Variants in FBN2 observed in about 807,000 individuals in gnomAD.
The protein encoded by FBN2 is fibrillin-2.
FBN2 carries 105 observed loss-of-function variants against 355.6 expected under a neutral mutation model. That is an observed-to-expected ratio of 0.30 (90% CI 0.25 to 0.35). FBN2 has a LOEUF of 0.35. FBN2 is among the 10% of genes least tolerant of loss of function. FBN2 has a pLI of 1.00. For missense variants in FBN2, 3,280 were observed against 3,758.7 expected (o/e 0.87, Z 3.33); for synonymous variants, 1,350 against 1,301.2 (o/e 1.04, Z -0.81).
At chr5:128,327,313 ATT>A (rs1750577796) in intron 34 of FBN2, among the ~76,000 whole-genome samples, 6 of 152,140 alleles carry the variant, frequency 3.9e-5, no homozygotes, top group African/African-American at 1.2e-4. Context: ...TTTCTGGAGA[ATT>A]TCATGAACTT....
chr5:128,375,594 C>T (rs331095), intron 14 of FBN2, among the ~76,000 whole-genome samples: 93,513 of 151,978 alleles, frequency 0.62, 29,361 homozygotes, highest in East Asian at 0.97. Context: ...AATTTTTTAA[C>T]CTCTACTGTC....
intron 5 of FBN2, among the ~76,000 whole-genome samples, chr5:128,494,700 C>T (rs538897596): frequency 6.6e-6 from 1 of 152,284 alleles, no homozygotes; most frequent in East Asian, 1.9e-4. Context: ...ATGTTCAAGA[C>T]TGTGCCTCTG....
At chr5:128,310,746 T>C (rs1396068188) in intron 39 of FBN2, among the ~76,000 whole-genome samples, 2 of 152,306 alleles carry the variant, frequency 1.3e-5, no homozygotes, top group South Asian at 2.1e-4. Flanking sequence ...GAGATTCTAC[T>C]GTAAGCTAGA....
intron 48 of FBN2, among the ~76,000 whole-genome samples, chr5:128,292,038 C>G (rs1749338259): frequency 6.6e-6 from 1 of 152,062 alleles, no homozygotes; most frequent in African/African-American, 2.4e-5. Flanking sequence ...CCCCATGTCA[C>G]CCCTATTTCT....
intron 31 of FBN2, among the ~76,000 whole-genome samples, chr5:128,333,879 C>A (rs1460140928): frequency 8.6e-6 from 1 of 116,244 alleles, no homozygotes; most frequent in Non-Finnish European, 2.1e-5. Context: ...ACACACACTA[C>A]TGGCTTCACA....
intron 5 of FBN2, among the ~76,000 whole-genome samples, chr5:128,478,263 G>C (rs974278333): frequency 2.0e-5 from 3 of 152,138 alleles, no homozygotes; most frequent in Middle Eastern, 3.2e-3. Context: ...CACTACCTAT[G>C]GAAGGTAAAC....
At chr5:128,446,380 G>C in intron 7 of FBN2, 101 bp downstream of exon 7, 2 of 1,233,734 alleles carry the variant, frequency 1.6e-6, no homozygotes, top group Non-Finnish European at 2.4e-6. Context: ...TAGATAAAGA[G>C]TTTTAATTGT....
chr5:128,387,525 T>C (rs1170926854), intron 11 of FBN2, among the ~76,000 whole-genome samples: 2 of 152,174 alleles, frequency 1.3e-5, no homozygotes, highest in Non-Finnish European at 2.9e-5. Context: ...GGTTTGCTCT[T>C]ATTTTTTTAG....
Position 128,369,338 on chromosome 5 carries a change from A to C in FBN2, c.2096-4T>G. Reference sequence around the variant, plus strand: ...CAGGTACTGCGCATGTGAGTATCTAAAGGAGATACAAAAACAATGACTTGA... The same window carrying C: ...CAGGTACTGCGCATGTGAGTATCTACAGGAGATACAAAAACAATGACTTGA... On this transcript the variant is annotated splice_polypyrimidine_tract_variant and splice_region_variant and intron_variant, in intron 15 of 64. Coordinates refer to ENST00000262464, the MANE Select transcript of FBN2 (RefSeq NM_001999.4). 6.2e-7 allele frequency: 1 copy of C among 1,613,940 alleles called. No homozygotes were observed. The highest frequency in any genetic ancestry group is 8.5e-7 in the Non-Finnish European group (1 of 1,179,880).
intron 17 of FBN2, chr5:128,365,441 T>C (rs1327115663): frequency 6.6e-6 from 1 of 152,184 alleles, no homozygotes; most frequent in African/African-American, 2.4e-5. Context: ...TTGGTCACTA[T>C]GCTCAAATTT....
intron 33 of FBN2, 111 bp from the exon 34 acceptor site, chr5:128,328,932 A>G (rs1750623907): frequency 9.2e-7 from 1 of 1,090,866 alleles, no homozygotes; most frequent in Non-Finnish European, 1.4e-6. Flanking sequence ...GCTCATTAAC[A>G]TGAAACAACA....
intron 58 of FBN2, among the ~76,000 whole-genome samples, chr5:128,277,311 C>G (rs1183663139): frequency 6.6e-6 from 1 of 152,158 alleles, no homozygotes. Flanking sequence ...CAATAAAAAA[C>G]CGAATAAGAA....
In FBN2 at chr5:128,528,690, G is replaced by A. The variant is rs552949932; in HGVS notation, c.437-723C>T. Among the ~76,000 whole-genome samples the A allele has an allele frequency of 2.0e-5, 3 of 152,314 alleles. No homozygotes were observed. In the East Asian group the frequency reaches 5.8e-4, roughly 29 times the overall value. ...TGGAAACCCAGGCAGAGACCAGCCA[G>A]CTAACACAGGGCCTCCTCGGCCACC... On this transcript the variant is annotated intron_variant, in intron 3 of 64. Coordinates refer to ENST00000262464, the MANE Select transcript of FBN2 (RefSeq NM_001999.4).
intron 51 of FBN2, 90 bp downstream of exon 51, chr5:128,289,792 A>C: frequency 1.3e-6 from 1 of 775,392 alleles, no homozygotes; most frequent in East Asian, 2.7e-5. Context: ...TATATGTTAC[A>C]TAGTAAAGTT....
intron 5 of FBN2, among the ~76,000 whole-genome samples, chr5:128,515,482 T>A (rs1217747265): frequency 6.6e-6 from 1 of 152,104 alleles, no homozygotes; most frequent in Non-Finnish European, 1.5e-5. Flanking sequence ...TGTTTCATGA[T>A]GGGGTGAGTG....
Position 128,305,616 on chromosome 5 carries a change from C to A in FBN2, c.5569G>T (p.Gly1857Cys). ...VCEDIDECSN[G>C]DNLCQRNADC... is the part of the protein sequence containing the mutation. The stretch of plus-strand genomic sequence containing the variant: ...GCATTCCGCTGGCAGAGATTATCAC[C>A]ATTGCTGCACTCATCTATATCTGAA... The change falls in exon 44 of 65, where the codon GGT becomes TGT. Residue 1857 changes from glycine to cysteine, a missense_variant. Around this residue, in one of 6 missense-constraint regions of FBN2, gnomAD observed 2,284 missense variants for 2,749.5 expected, o/e 0.83. Transcript: ENST00000262464. 6.2e-7 allele frequency: 1 copy of A among 1,613,960 alleles called. No individual in the cohort carries two copies. The highest frequency in any genetic ancestry group is 1.7e-4 in the Middle Eastern group (1 of 6,060).
chr5:128,508,793 T>C (rs1437390614), intron 5 of FBN2, among the ~76,000 whole-genome samples: 1 of 152,068 alleles, frequency 6.6e-6, no homozygotes, highest in African/African-American at 2.4e-5. Context: ...AATGAATTCT[T>C]CCCTTTTATA....
chr5:128,419,776 T>G (rs1753297855), intron 7 of FBN2, among the ~76,000 whole-genome samples: 1 of 152,138 alleles, frequency 6.6e-6, no homozygotes, highest in Non-Finnish European at 1.5e-5. Context: ...CACCAAAACC[T>G]CCGCTTCCCA....
At chr5:128,453,121 A>G (rs1482970099) in intron 6 of FBN2, among the ~76,000 whole-genome samples, 1 of 152,222 alleles carries the variant, frequency 6.6e-6, no homozygotes, top group African/African-American at 2.4e-5. Context: ...CTACTCATGT[A>G]TGATACACAA....
Sources: gnomAD v4.1 joint callset for allele counts (sites outside exome capture counted in the v4.1 genomes callset) on GRCh38, gnomAD v4.1.1 for gene constraint, gnomAD v4.1.1 regional missense constraint, MANE v1.5 for transcripts, NCBI Gene and HGNC (gene_info 2026-07-23, HGNC 2026-07-21) for gene names.